The following YEATS2 variants were observed in gnomAD, a reference collection of about 807,000 sequenced individuals.
YEATS2 encodes YEATS domain containing 2.
In YEATS2, 77 loss-of-function variants were observed where a neutral mutation model predicts 163.2. That is an observed-to-expected ratio of 0.47 (90% CI 0.39 to 0.57). The LOEUF is 0.57. Ranked by LOEUF, YEATS2 falls within the 20% of genes least tolerant of loss-of-function variation. The pLI is 0.00. For missense variants in YEATS2, 1,549 were observed against 1,729.8 expected (o/e 0.90, Z 1.85); for synonymous variants, 631 against 645.1 (o/e 0.98, Z 0.33).
chr3:183,750,866 T>C (rs761358718), intron 9 of YEATS2, among the ~76,000 whole-genome samples: 18 of 152,220 alleles, frequency 1.2e-4, no homozygotes, highest in Non-Finnish European at 1.2e-4. Flanking sequence ...GATAGATGAT[T>C]TGCAAATATT....
At chr3:183,810,396 T>A (rs1365433146) in intron 30 of YEATS2, 79 bp from the exon 31 acceptor site, 5 of 1,320,010 alleles carry the variant, frequency 3.8e-6, no homozygotes, top group Middle Eastern at 1.8e-4. Context: ...GGATGGTCCC[T>A]GTGATGAGTT....
chr3:183,727,077 A>C (rs1369490561), intron 6 of YEATS2, among the ~76,000 whole-genome samples: 1 of 152,196 alleles, frequency 6.6e-6, no homozygotes, highest in Non-Finnish European at 1.5e-5. Context: ...CTGAGATTAC[A>C]GGCATGAGCC....
intron 5 of YEATS2, among the ~76,000 whole-genome samples, chr3:183,723,818 A>G (rs1473641524): frequency 6.6e-6 from 1 of 152,098 alleles, no homozygotes; most frequent in Non-Finnish European, 1.5e-5. Flanking sequence ...AGGCTGAGGC[A>G]GGAGAATCGC....
At chr3:183,715,081 G>T (rs1416056215) in intron 1 of YEATS2, 63 bp from the exon 2 acceptor site, 2 of 957,568 alleles carry the variant, frequency 2.1e-6, no homozygotes, top group African/African-American at 1.7e-5. Flanking sequence ...GGTATGCAGT[G>T]TTACTACAAC....
intron 8 of YEATS2, among the ~76,000 whole-genome samples, chr3:183,737,619 CTGTA>C (rs1178637307): frequency 2.0e-5 from 3 of 152,136 alleles, no homozygotes; most frequent in Non-Finnish European, 4.4e-5. Flanking sequence ...TAATGTTTGT[CTGTA>C]AAGACAGAAA....
In YEATS2 at chr3:183,804,046, ATTTCAC is replaced by A; in HGVS notation, c.3643_3648del (p.Phe1215_His1216del). Reference sequence around the variant, plus strand: ...AAGAAATCCTGGAGAAGAATCCGAGATTTCACCACCTGACTCCCCTCAAAACCAAGC... The same window carrying A: ...AAGAAATCCTGGAGAAGAATCCGAGACACCTGACTCCCCTCAAAACCAAGC... On this transcript the variant is annotated inframe_deletion, in exon 27 of 31. Coordinates refer to ENST00000305135, the MANE Select transcript of YEATS2 (RefSeq NM_018023.5). 6.2e-7 allele frequency: 1 copy of A among 1,614,074 alleles called. No homozygotes were observed. Among genetic ancestry groups the A allele is most frequent in the East Asian group, 2.2e-5 (1 of 44,878 alleles).
At chr3:183,806,698 G>A (rs951323172) in intron 27 of YEATS2, 168 bp from the exon 28 acceptor site, 43 of 657,076 alleles carry the variant, frequency 6.5e-5, no homozygotes, top group Middle Eastern at 4.2e-4. Flanking sequence ...TTTCTCCCTC[G>A]TGAATTACTA....
intron 10 of YEATS2, 62 bp downstream of exon 10, chr3:183,752,315 T>C (rs1720256438): frequency 2.5e-6 from 4 of 1,584,588 alleles, no homozygotes; most frequent in Admixed American, 1.7e-5. Flanking sequence ...ATTTGCTGCT[T>C]TCAGAGACCT....
At position 183,787,191 on chromosome 3, in the gene YEATS2, G is replaced by T. The variant is rs142356823; in HGVS notation, c.2913+890G>T. ...AATGGTCTCAATCTCCTGACCTCGT[G>T]ATCCACCTGCCTCATCTCCCAAAGT... is the stretch of plus-strand genomic sequence containing the variant. On this transcript the variant is annotated intron_variant, in intron 20 of 30. Transcript: ENST00000305135. 2.9e-3 allele frequency among the ~76,000 whole-genome samples: 446 copies of T among 152,238 alleles called. 3 individuals are homozygous for T. The highest frequency in any genetic ancestry group is 0.01 in the African/African-American group (433 of 41,554).
chr3:183,783,251 C>A (rs1392359900), intron 19 of YEATS2, among the ~76,000 whole-genome samples: 1 of 152,174 alleles, frequency 6.6e-6, no homozygotes, highest in East Asian at 1.9e-4. Context: ...CAAGTGCTTT[C>A]TGTTCTTCCT....
intron 20 of YEATS2, among the ~76,000 whole-genome samples, chr3:183,789,880 A>T (rs938329360): frequency 6.6e-6 from 1 of 151,920 alleles, no homozygotes; most frequent in Admixed American, 6.6e-5. Context: ...TAGACACCAA[A>T]CTTTATTCTT....
chr3:183,777,784 C>G (rs1353684425), intron 19 of YEATS2, 84 bp downstream of exon 19: 27 of 1,478,608 alleles, frequency 1.8e-5, no homozygotes, highest in Non-Finnish European at 2.4e-5. Flanking sequence ...TCTCTTTTCA[C>G]AAAGAAATTA....
intron 8 of YEATS2, among the ~76,000 whole-genome samples, chr3:183,743,596 T>C (rs549240893): frequency 6.6e-6 from 1 of 152,242 alleles, no homozygotes; most frequent in South Asian, 2.1e-4. Context: ...TCTACCCTCC[T>C]CAGCCTCCCA....
intron 1 of YEATS2, among the ~76,000 whole-genome samples, chr3:183,705,585 A>T (rs946628381): frequency 6.6e-6 from 1 of 151,776 alleles, no homozygotes; most frequent in Admixed American, 6.6e-5. Flanking sequence ...TTTTGTTTGC[A>T]TGTGTCTGTG....
chr3:183,780,586 G>A (rs1159230160), intron 19 of YEATS2, among the ~76,000 whole-genome samples: 1 of 152,080 alleles, frequency 6.6e-6, no homozygotes, highest in Non-Finnish European at 1.5e-5. Flanking sequence ...GGCGCTGAGA[G>A]GAGTATTGCT....
At chr3:183,770,888 C>T (rs1173152934) in intron 15 of YEATS2, among the ~76,000 whole-genome samples, 1 of 152,164 alleles carries the variant, frequency 6.6e-6, no homozygotes, top group Non-Finnish European at 1.5e-5. Flanking sequence ...TTTTATGCCA[C>T]AGTTTGTCCA....
intron 1 of YEATS2, among the ~76,000 whole-genome samples, chr3:183,707,222 T>C (rs897818960): frequency 2.0e-5 from 3 of 152,232 alleles, no homozygotes; most frequent in African/African-American, 7.2e-5. Flanking sequence ...TTCATTCCTC[T>C]TCCCAGTCAG....
Position 183,772,380 on chromosome 3 carries a change from C to T in YEATS2, c.2023C>T (p.Leu675=). The change falls in exon 16 of 31, where the codon CTG becomes TTG. Residue 675 remains leucine (L), a synonymous_variant. Transcript: ENST00000305135. ...TGTGGCGATCAGTGGTGGCCAGATCCTGGTAGCCAAGGCCAGCTCTTCTGT... is the reference window on the plus strand; with the variant it reads ...TGTGGCGATCAGTGGTGGCCAGATCTTGGTAGCCAAGGCCAGCTCTTCTGT... ...QAVAISGGQI[L]VAKASSSVSK... 2 of 1,614,218 alleles carry T rather than the reference C, an allele frequency of 1.2e-6. No individual in the cohort carries two copies. The highest frequency in any genetic ancestry group is 2.7e-5 in the African/African-American group (2 of 75,058).
At chr3:183,734,779 G>A (rs1231234999) in intron 7 of YEATS2, among the ~76,000 whole-genome samples, 2 of 152,116 alleles carry the variant, frequency 1.3e-5, no homozygotes, top group African/African-American at 4.8e-5. Context: ...AGTCGAGCAG[G>A]GAGCTGTACT....
Sources: allele counts gnomAD v4.1 joint callset (sites outside exome capture counted in the v4.1 genomes callset), GRCh38; gene constraint gnomAD v4.1.1; transcripts MANE v1.5; gene names NCBI Gene and HGNC (gene_info 2026-07-23, HGNC 2026-07-21).